The following GLRB variants were observed in gnomAD, a reference collection of about 807,000 sequenced individuals.
The protein encoded by GLRB is glycine receptor subunit beta.
In GLRB, 33 loss-of-function variants were observed where a neutral mutation model predicts 54.2. That is an observed-to-expected ratio of 0.61 (90% CI 0.46 to 0.81). The LOEUF is 0.81. Among genes scored for constraint, GLRB ranks in the 40% least tolerant of loss-of-function variants. GLRB has a pLI of 0.00. For synonymous variants in GLRB, 209 were observed against 208.2 expected, an observed-to-expected ratio of 1.00 and a Z score of -0.03; for missense variants, 572 against 584.6, an observed-to-expected ratio of 0.98 and a Z score of 0.22.
At chr4:157,100,696 A>G (rs1028255086) in intron 2 of GLRB, among the ~76,000 whole-genome samples, 4 of 152,210 alleles carry the variant, frequency 2.6e-5, no homozygotes, top group Non-Finnish European at 5.9e-5. Flanking sequence ...AAAAAAAAAC[A>G]TGGAGGCAAA....
At chr4:157,143,721 G>A (rs1017748932) in intron 7 of GLRB, 86 bp from the exon 8 acceptor site, 3 of 1,343,832 alleles carry the variant, frequency 2.2e-6, no homozygotes, top group African/African-American at 2.9e-5. Context: ...AGATGGAAGT[G>A]ACTTACCGTT....
intron 2 of GLRB, among the ~76,000 whole-genome samples, chr4:157,114,680 A>G (rs1478912720): frequency 6.6e-6 from 1 of 151,538 alleles, no homozygotes; most frequent in Non-Finnish European, 1.5e-5. Flanking sequence ...CTTACTTTTG[A>G]TGACTGTGAG....
chr4:157,143,602 G>A (rs554394558), intron 7 of GLRB, among the ~76,000 whole-genome samples: 135 of 152,256 alleles, frequency 8.9e-4, no homozygotes, highest in African/African-American at 2.8e-3. Flanking sequence ...ATGAAGTTGC[G>A]AAAGGTCAGC....
At chr4:157,161,143 A>C (rs958905187) in intron 9 of GLRB, among the ~76,000 whole-genome samples, 1 of 152,172 alleles carries the variant, frequency 6.6e-6, no homozygotes, top group Non-Finnish European at 1.5e-5. Flanking sequence ...ATCAGAGACT[A>C]TGATTGCAAC....
intron 2 of GLRB, among the ~76,000 whole-genome samples, chr4:157,104,802 ATTT>A (rs1735161047): frequency 6.6e-6 from 1 of 151,764 alleles, no homozygotes; most frequent in Non-Finnish European, 1.5e-5. Flanking sequence ...TGTGCCAAGG[ATTT>A]TATTCATTTC....
chr4:157,137,362 A>AT (rs1736440572), intron 6 of GLRB, among the ~76,000 whole-genome samples: 1 of 151,980 alleles, frequency 6.6e-6, no homozygotes, highest in Non-Finnish European at 1.5e-5. Flanking sequence ...TTGATCATAT[A>AT]TTTTTCATTT....
chr4:157,090,875 A>G (rs1431569728), intron 2 of GLRB, among the ~76,000 whole-genome samples: 2 of 152,186 alleles, frequency 1.3e-5, no homozygotes, highest in Admixed American at 1.3e-4. Context: ...GGTGGCTAAT[A>G]TTAATTTTAA....
intron 2 of GLRB, among the ~76,000 whole-genome samples, chr4:157,107,841 A>G (rs764294342): frequency 1.2e-4 from 18 of 152,106 alleles, no homozygotes; most frequent in Admixed American, 3.9e-4. Context: ...ATTCATAGCT[A>G]GAAAGAAGTC....
At chr4:157,124,645 A>T (rs900351628) in intron 4 of GLRB, among the ~76,000 whole-genome samples, 1 of 151,876 alleles carries the variant, frequency 6.6e-6, no homozygotes, top group Admixed American at 6.6e-5. Context: ...TTGAGCATTT[A>T]GATGGCTTAA....
chr4:157,107,400 G>GA, intron 2 of GLRB, among the ~76,000 whole-genome samples: 1 of 152,072 alleles, frequency 6.6e-6, no homozygotes, highest in East Asian at 1.9e-4. Flanking sequence ...TGAATGCTAA[G>GA]AAAAAGTTCT....
intron 7 of GLRB, among the ~76,000 whole-genome samples, chr4:157,140,497 A>G (rs1036895777): frequency 2.6e-5 from 4 of 151,966 alleles, no homozygotes; most frequent in Non-Finnish European, 5.9e-5. Flanking sequence ...TCATATAAGA[A>G]CACGTACTTA....
At chr4:157,086,140 T>C (rs1310290071) in intron 2 of GLRB, among the ~76,000 whole-genome samples, 1 of 152,154 alleles carries the variant, frequency 6.6e-6, no homozygotes, top group Non-Finnish European at 1.5e-5. Context: ...TACTCGCCTA[T>C]TTTGGGAAGG....
At chr4:157,099,346 T>G (rs1353383776) in intron 2 of GLRB, among the ~76,000 whole-genome samples, 1 of 152,000 alleles carries the variant, frequency 6.6e-6, no homozygotes. Context: ...TTAACTTTTT[T>G]TTTTTTTTTC....
At position 157,152,847 on chromosome 4, in the gene GLRB, T is replaced by C; in HGVS notation, c.1034T>C (p.Val345Ala). 1 of 1,613,998 alleles carries C rather than the reference T, an allele frequency of 6.2e-7. No homozygotes were observed. Among genetic ancestry groups the C allele is most frequent in the South Asian group, 1.1e-5 (1 of 91,080 alleles). ...CTTCTCTTTGGGTTTGCTTCCCTGG[T>C]GGAGTATGCAGTTGTCCAGGTGATG... ...ACLLFGFASL[V>A]EYAVVQVMLN... Residue 345 changes from valine (V) to alanine (A), a missense_variant, in exon 9 of 10, where the codon GTG (valine) becomes GCG (alanine). By Grantham distance (64) the Val-to-Ala change is moderately conservative. Transcript: ENST00000264428.
chr4:157,112,776 A>G (rs1372076696), intron 2 of GLRB, among the ~76,000 whole-genome samples: 1 of 151,854 alleles, frequency 6.6e-6, no homozygotes, highest in African/African-American at 2.4e-5. Context: ...TGCCTCTAGG[A>G]CAAGACACCT....
In GLRB at chr4:157,137,549, G is replaced by A. The variant is rs149382286; in HGVS notation, c.610+663G>A. ...ACATGGATCATCTTATAATAAGGTCGTCTATTTCTTCAGAGAGTAAAGAAT... is the reference window on the plus strand; with the variant it reads ...ACATGGATCATCTTATAATAAGGTCATCTATTTCTTCAGAGAGTAAAGAAT... On this transcript the variant is annotated intron_variant, in intron 6 of 9. Transcript: ENST00000264428. Among the ~76,000 whole-genome samples, 1,312 of 151,296 alleles carry A rather than the reference G, an allele frequency of 8.7e-3. 15 individuals are homozygous for A. The highest frequency in any genetic ancestry group is 0.011 in the Non-Finnish European group (721 of 67,832).
chr4:157,138,914 A>C lies in GLRB; in HGVS notation c.716A>C (p.Glu239Ala). Residue 239 changes from glutamate to alanine, a missense_variant, in exon 7 of 10, where the codon GAA becomes GCA. By Grantham distance (107) the Glu-to-Ala change is moderately radical. Coordinates refer to ENST00000264428, the MANE Select transcript of GLRB (RefSeq NM_000824.5). Reference protein sequence around the residue: ...PQFDIKKEDIEYGNCTKYYKG... With the variant: ...PQFDIKKEDIAYGNCTKYYKG... ...TTTGATATCAAAAAGGAAGATATTGAATATGGTAACTGTACAAAATACTAT... is the reference window on the plus strand; with the variant it reads ...TTTGATATCAAAAAGGAAGATATTGCATATGGTAACTGTACAAAATACTAT... 6.8e-7 allele frequency: 1 copy of C among 1,474,472 alleles called. No homozygotes were observed. Among genetic ancestry groups the C allele is most frequent in the Non-Finnish European group, 9.5e-7 (1 of 1,053,908 alleles). The allele number at this position is 1,474,472 out of a possible 1,614,324, so 91.3% of individuals were successfully genotyped here.
chr4:157,165,091 A>T (rs900342206), intron 9 of GLRB, among the ~76,000 whole-genome samples: 5 of 152,066 alleles, frequency 3.3e-5, no homozygotes, highest in African/African-American at 9.7e-5. Flanking sequence ...AATTACTTTT[A>T]TTCTTTACAG....
intron 4 of GLRB, among the ~76,000 whole-genome samples, chr4:157,134,358 A>G (rs1736323820): frequency 6.6e-6 from 1 of 151,880 alleles, no homozygotes; most frequent in Non-Finnish European, 1.5e-5. Context: ...GGCTTTCGAG[A>G]CCAGCCAGGC....
Sources: gnomAD v4.1 joint callset for allele counts (sites outside exome capture counted in the v4.1 genomes callset) on GRCh38, gnomAD v4.1.1 for gene constraint, MANE v1.5 for transcripts, NCBI Gene and HGNC (gene_info 2026-07-23, HGNC 2026-07-21) for gene names.